DTD2: variants seen among roughly 807,000 people sequenced by gnomAD.
DTD2 encodes the protein D-tyrosyl-tRNA deacylase 2 (putative).
In DTD2, 12 loss-of-function variants were observed where a neutral mutation model predicts 15.5. The ratio of observed to expected loss-of-function variants is 0.77; its 90% CI spans 0.50 to 1.25. The LOEUF is 1.25. DTD2 is among the 50% of genes most tolerant of loss of function. The pLI is 0.00. For missense variants in DTD2, 170 were observed against 201.1 expected, an observed-to-expected ratio of 0.85 and a Z score of 0.93; for synonymous variants, 59 against 77.3, an observed-to-expected ratio of 0.76 and a Z score of 1.24.
Position 31,457,470 on chromosome 14 carries a change from A to G in DTD2, c.-77T>C, listed in dbSNP as rs2032112751. ...CCCTCCCTCGACGCGCTGGCGGGGC[A>G]GACGAGGCGGGGCACGACGAAGGGC... On this transcript the variant is annotated 5_prime_UTR_variant, in exon 1 of 3. Transcript: ENST00000310850. 4 of 1,157,026 alleles carry G rather than the reference A, an allele frequency of 3.5e-6. No homozygotes were observed. The East Asian group carries it at 1.2e-4, about 35-fold the overall frequency. 71.7% of individuals were successfully genotyped at this position (1,157,026 alleles called of 1,614,324 possible). A position where few individuals can be genotyped will look rare whatever the true frequency, so the allele number is the denominator to read the frequency against.
rs1166736773 is a variant in DTD2 at position 31,457,334 on chromosome 14, G to C, written c.60C>G (p.Ala20=). The C allele has an allele frequency of 6.3e-7, 1 of 1,596,168 alleles. No individual in the cohort carries two copies. The highest frequency in any genetic ancestry group is 8.5e-7 in the Non-Finnish European group (1 of 1,173,024). ...CATCGGCTGGGCGAATTTGCAGCCG[G>C]GCGTGCAGGCACTGCTGTAGGAGCG... The part of the protein sequence containing the change: ...ARALLQQCLH[A]RLQIRPADGD... The change falls in exon 1 of 3, where the codon GCC becomes GCG. Residue 20 remains alanine (A), a synonymous_variant. Coordinates refer to ENST00000310850, the MANE Select transcript of DTD2 (RefSeq NM_080664.3).
chr14:31,451,209 G>A (rs141072133), intron 2 of DTD2, among the ~76,000 whole-genome samples: 3,182 of 148,874 alleles, frequency 0.021, 103 homozygotes, highest in African/African-American at 0.073. Flanking sequence ...GTGCAGTGGC[G>A]TGATCTCGGC....
rs2031967025 is a variant in DTD2 at position 31,446,972 on chromosome 14, A to T, written c.*1157T>A. On this transcript the variant is annotated 3_prime_UTR_variant, in exon 3 of 3. Transcript: ENST00000310850. ...AAAGTGAGACACATGATTTTGGTAA[A>T]AACTGAAAAATAGACCATTAACCCA... is the stretch of plus-strand genomic sequence containing the variant. 1 of 152,224 alleles carries T rather than the reference A, an allele frequency of 6.6e-6. No individual in the cohort carries two copies. Among genetic ancestry groups the T allele is most frequent in the Non-Finnish European group, 1.5e-5 (1 of 68,036 alleles). 9.4% of individuals were successfully genotyped at this position (152,224 alleles called of 1,614,324 possible).
chr14:31,450,495 G>A (rs1342847419), intron 2 of DTD2, among the ~76,000 whole-genome samples: 4 of 152,130 alleles, frequency 2.6e-5, no homozygotes, highest in African/African-American at 7.2e-5. Context: ...GATTTAACTG[G>A]TTATTATATT....
chr14:31,452,141 C>T (rs777388333), intron 2 of DTD2: 4 of 152,148 alleles, frequency 2.6e-5, no homozygotes, highest in Admixed American at 6.5e-5. Flanking sequence ...CAGCTCAAGA[C>T]CCAGGAGAAC....
At chr14:31,450,121 CAG>C (rs1206997560) in intron 2 of DTD2, among the ~76,000 whole-genome samples, 1 of 152,146 alleles carries the variant, frequency 6.6e-6, no homozygotes, top group Non-Finnish European at 1.5e-5. Context: ...CAGCTAGTGA[CAG>C]AGTAAATAGG....
In DTD2 at chr14:31,446,285, A is replaced by G. The variant is rs1414415227; in HGVS notation, c.*1844T>C. ...CAGCAGCTACTTAGGATGTTTATTTATTTACCTTTTTTTGCCAATTAGAAT... is the reference window on the plus strand; with the variant it reads ...CAGCAGCTACTTAGGATGTTTATTTGTTTACCTTTTTTTGCCAATTAGAAT... On this transcript the variant is annotated 3_prime_UTR_variant, in exon 3 of 3. Coordinates refer to ENST00000310850, the MANE Select transcript of DTD2 (RefSeq NM_080664.3). 6.6e-6 allele frequency: 1 copy of G among 151,880 alleles called. No individual in the cohort carries two copies. Among genetic ancestry groups the G allele is most frequent in the Non-Finnish European group, 1.5e-5 (1 of 67,966 alleles). 9.4% of individuals were successfully genotyped at this position (151,880 alleles called of 1,614,324 possible).
At chr14:31,455,219 T>A (rs952094295) in intron 1 of DTD2, among the ~76,000 whole-genome samples, 3 of 152,166 alleles carry the variant, frequency 2.0e-5, no homozygotes, top group Non-Finnish European at 4.4e-5. Context: ...ACTAAATGAC[T>A]GATAGTTTGC....
chr14:31,456,808 G>T (rs115514689), intron 1 of DTD2, among the ~76,000 whole-genome samples: 173 of 152,256 alleles, frequency 1.1e-3, no homozygotes, highest in African/African-American at 4.1e-3. Flanking sequence ...CTTTTAAAAG[G>T]CTTCTTGAAA....
chr14:31,454,022 A>G (rs760418652), intron 1 of DTD2, among the ~76,000 whole-genome samples: 1 of 152,354 alleles, frequency 6.6e-6, no homozygotes, highest in Non-Finnish European at 1.5e-5. Context: ...TAGATCTTGT[A>G]GGACAGAGAC....
chr14:31,448,443 A>G lies in DTD2; in HGVS notation c.193T>C (p.Leu65=), dbSNP rs1169642922. 2 of 1,611,586 alleles carry G rather than the reference A, an allele frequency of 1.2e-6. No homozygotes were observed. Among genetic ancestry groups the G allele is most frequent in the South Asian group, 2.2e-5 (2 of 90,572 alleles). The change falls in exon 3 of 3, where the codon TTA becomes CTA. Residue 65 remains leucine, a synonymous_variant. Transcript: ENST00000310850. The part of the protein sequence containing the change: ...ELLPKMVNTL[L]NVKLSETENG... ...TCTGTCTCACTTAATTTCACATTTA[A>G]CAGTGTATTAACTGGGTGAGGAAGA...
At chr14:31,456,500 C>A (rs1037088216) in intron 1 of DTD2, among the ~76,000 whole-genome samples, 3 of 151,920 alleles carry the variant, frequency 2.0e-5, no homozygotes, top group African/African-American at 7.2e-5. Flanking sequence ...GCAGAAAAGG[C>A]GAGCGAATGA....
intron 2 of DTD2, among the ~76,000 whole-genome samples, chr14:31,450,404 C>T (rs2032017782): frequency 6.6e-6 from 1 of 152,172 alleles, no homozygotes; most frequent in African/African-American, 2.4e-5. Flanking sequence ...GTTTCTTGCC[C>T]TCTCTGTCCA....
At position 31,457,433 on chromosome 14, in the gene DTD2, T is replaced by A. The variant is rs780427454; in HGVS notation, c.-40A>T. The A allele has an allele frequency of 1.9e-5, 26 of 1,384,442 alleles. No homozygotes were observed. Among genetic ancestry groups the A allele is most frequent in the East Asian group, 1.4e-4 (5 of 35,576 alleles). 85.8% of individuals were successfully genotyped at this position (1,384,442 alleles called of 1,614,324 possible). On this transcript the variant is annotated 5_prime_UTR_variant, in exon 1 of 3. An upstream start codon of the reference 5' UTR is lost. Transcript: ENST00000310850. ...CCGCGGCCGGACAGTTACTAGGCCA[T>A]GTGTCGCTGGCCCCTCCCTCGACGC...
chr14:31,453,622 G>C (rs1009539530), intron 1 of DTD2, among the ~76,000 whole-genome samples: 2 of 152,118 alleles, frequency 1.3e-5, no homozygotes, highest in African/African-American at 4.8e-5. Flanking sequence ...TCATTAAGAG[G>C]ATCAACCAGC....
chr14:31,457,485 C>A lies in DTD2; in HGVS notation c.-92G>T, dbSNP rs1595220372. ...CTGGCGGGGCAGACGAGGCGGGGCA[C>A]GACGAAGGGCCTGCGCCGATTGCCC... On this transcript the variant is annotated 5_prime_UTR_variant, in exon 1 of 3. Coordinates refer to ENST00000310850, the MANE Select transcript of DTD2 (RefSeq NM_080664.3). 3.1e-6 allele frequency: 3 copies of A among 970,178 alleles called. No homozygotes were observed. Among genetic ancestry groups the A allele is most frequent in the East Asian group, 3.1e-5 (1 of 32,652 alleles). The allele number at this position is 970,178 out of a possible 1,614,324, so 60.1% of individuals were successfully genotyped here.
At chr14:31,455,970 G>A (rs76638992) in intron 1 of DTD2, among the ~76,000 whole-genome samples, 3,674 of 152,260 alleles carry the variant, frequency 0.024, 127 homozygotes, top group African/African-American at 0.084. Context: ...AATAAGAAAA[G>A]TGAATTTCTG....
chr14:31,451,957 C>T (rs1462766859), intron 2 of DTD2: 1 of 152,160 alleles, frequency 6.6e-6, no homozygotes, highest in Non-Finnish European at 1.5e-5. Context: ...GTAATTATCA[C>T]ATGAATTGCT....
At chr14:31,450,879 C>T (rs1160627356) in intron 2 of DTD2, among the ~76,000 whole-genome samples, 1 of 152,158 alleles carries the variant, frequency 6.6e-6, no homozygotes, top group Non-Finnish European at 1.5e-5. Flanking sequence ...TATAAAATAA[C>T]ATGTGGTTTG....
Sources: allele counts gnomAD v4.1 joint callset (sites outside exome capture counted in the v4.1 genomes callset), GRCh38; gene constraint gnomAD v4.1.1; transcripts MANE v1.5; gene names NCBI Gene and HGNC (gene_info 2026-07-23, HGNC 2026-07-21).